Variants in TTC21B observed in about 807,000 individuals in gnomAD.
The protein encoded by TTC21B is tetratricopeptide repeat protein 21B.
In TTC21B, 127 loss-of-function variants were observed where a neutral mutation model predicts 175.1. The ratio of observed to expected loss-of-function variants is 0.73; its 90% CI spans 0.63 to 0.84. The LOEUF (loss-of-function observed/expected upper bound fraction) is 0.84. Ranked by LOEUF, TTC21B falls within the 40% of genes least tolerant of loss-of-function variation. TTC21B has a pLI of 0.00. For missense variants in TTC21B, 1,561 were observed against 1,558.3 expected (o/e 1.00, Z -0.03); for synonymous variants, 524 against 524.5 (o/e 1.00, Z 0.01).
At chr2:165,903,596 A>C (rs979611446) in intron 19 of TTC21B, among the ~76,000 whole-genome samples, 3 of 152,186 alleles carry the variant, frequency 2.0e-5, no homozygotes, top group Non-Finnish European at 4.4e-5. Flanking sequence ...GTAAGCAAGA[A>C]ATAACGATGG....
In TTC21B at chr2:165,919,382, G is replaced by C. The variant is rs1178038013; in HGVS notation, c.1568C>G (p.Pro523Arg). The C allele has an allele frequency of 6.2e-7, 1 of 1,613,874 alleles. No homozygotes were observed. Among genetic ancestry groups the C allele is most frequent in the Non-Finnish European group, 8.5e-7 (1 of 1,179,948 alleles). ...CAGCAGATGAGCATCAGCATAAGAGGGATTGTGTTCTAAGCAGTGCTGAAG... is the reference window on the plus strand; with the variant it reads ...CAGCAGATGAGCATCAGCATAAGAGCGATTGTGTTCTAAGCAGTGCTGAAG... ...NNLQHCLEHN[P>R]SYADAHLLLA... The change falls in exon 13 of 29, where the codon CCC (proline) becomes CGC (arginine). Residue 523 changes from proline to arginine, a missense_variant. Transcript: ENST00000243344.
intron 5 of TTC21B, among the ~76,000 whole-genome samples, chr2:165,941,490 T>C (rs1183497578): frequency 8.1e-6 from 1 of 123,268 alleles, no homozygotes; most frequent in Non-Finnish European, 1.7e-5. Context: ...AAATTATCTT[T>C]TTAGATTAAA....
At chr2:165,907,184 GA>G (rs374979149) in intron 19 of TTC21B, among the ~76,000 whole-genome samples, 2,331 of 152,010 alleles carry the variant, frequency 0.015, 42 homozygotes, top group Middle Eastern at 0.027. Flanking sequence ...AAAGACATAT[GA>G]TCATCTTGAT....
At chr2:165,904,579 T>C (rs1302713536) in intron 19 of TTC21B, among the ~76,000 whole-genome samples, 2 of 152,238 alleles carry the variant, frequency 1.3e-5, no homozygotes, top group Non-Finnish European at 2.9e-5. Context: ...GTGACTAGTA[T>C]AGTATCCTGG....
chr2:165,929,999 G>C (rs1160274184), intron 9 of TTC21B, among the ~76,000 whole-genome samples, 173 bp downstream of exon 9: 1 of 148,760 alleles, frequency 6.7e-6, no homozygotes. Flanking sequence ...ATTCTCTCAA[G>C]ATATTATTTG....
intron 19 of TTC21B, 41 bp from the exon 20 acceptor site, chr2:165,901,951 G>A (rs1038281588): frequency 6.1e-6 from 9 of 1,466,942 alleles, no homozygotes; most frequent in South Asian, 1.2e-5. Context: ...AAAAAAAAAG[G>A]AAATTAAATT....
intron 19 of TTC21B, 80 bp downstream of exon 19, chr2:165,907,598 G>T (rs538508598): frequency 2.2e-6 from 2 of 904,748 alleles, no homozygotes; most frequent in South Asian, 2.7e-5. Context: ...AAAAGAGATT[G>T]CTTTCCTCTT....
chr2:165,888,487 A>G lies in TTC21B; in HGVS notation c.3264-13T>C, dbSNP rs754946168. The G allele has an allele frequency of 1.3e-6, 2 of 1,593,058 alleles. No individual in the cohort carries two copies. The highest frequency in any genetic ancestry group is 1.7e-6 in the Non-Finnish European group (2 of 1,162,928). ...CTCAGTTGAATTACTGTATATAATT[A>G]AAAATAAATCACTTCTGTCTCTTAC... On this transcript the variant is annotated splice_polypyrimidine_tract_variant and intron_variant, in intron 24 of 28. Coordinates refer to ENST00000243344, the MANE Select transcript of TTC21B (RefSeq NM_024753.5).
intron 11 of TTC21B, among the ~76,000 whole-genome samples, chr2:165,927,357 T>TTATATA (rs1306861608): frequency 1.1e-5 from 1 of 92,446 alleles, no homozygotes; most frequent in African/African-American, 3.6e-5. Flanking sequence ...ATAATATATT[T>TTATATA]TATATATATA....
intron 21 of TTC21B, among the ~76,000 whole-genome samples, chr2:165,899,383 A>G (rs1302917481): frequency 6.6e-6 from 1 of 152,170 alleles, no homozygotes; most frequent in Non-Finnish European, 1.5e-5. Context: ...GATAATATGA[A>G]GTTGTTTTTT....
At chr2:165,952,095 T>C (rs1414171557) in intron 1 of TTC21B, among the ~76,000 whole-genome samples, 3 of 152,126 alleles carry the variant, frequency 2.0e-5, no homozygotes, top group African/African-American at 7.2e-5. Flanking sequence ...CAATGGTACA[T>C]TGGGATGGCA....
chr2:165,932,499 T>C (rs1399369945), intron 7 of TTC21B, among the ~76,000 whole-genome samples: 1 of 152,148 alleles, frequency 6.6e-6, no homozygotes, highest in Non-Finnish European at 1.5e-5. Context: ...CTACAGTCAA[T>C]GTGTTCACTA....
At chr2:165,941,535 T>G (rs958791079) in intron 5 of TTC21B, among the ~76,000 whole-genome samples, 1 of 152,100 alleles carries the variant, frequency 6.6e-6, no homozygotes, top group African/African-American at 2.4e-5. Context: ...GCATCTAAAA[T>G]TTTAAGAAAT....
chr2:165,923,435 T>C (rs1283486583), intron 12 of TTC21B, among the ~76,000 whole-genome samples: 1 of 151,388 alleles, frequency 6.6e-6, no homozygotes, highest in Non-Finnish European at 1.5e-5. Flanking sequence ...AAGCATAATA[T>C]GATGGTCTTT....
Position 165,899,820 on chromosome 2 carries a change from G to T in TTC21B, c.2818C>A (p.Gln940Lys), listed in dbSNP as rs1489728717. Residue 940 changes from glutamine to lysine, a missense_variant, in exon 21 of 29, where the codon CAG (glutamine) becomes AAG (lysine). By Grantham distance (53) the Gln-to-Lys change is moderately conservative. Coordinates refer to ENST00000243344, the MANE Select transcript of TTC21B (RefSeq NM_024753.5). ...AQDDPDSCLR[Q>K]CALLLQSDQD... Reference sequence around the variant, plus strand: ...TCACTCTGAAGCAGTAGAGCACACTGCCGCAGGCAGGAATCAGGGTCATCT... The same window carrying T: ...TCACTCTGAAGCAGTAGAGCACACTTCCGCAGGCAGGAATCAGGGTCATCT... The T allele has an allele frequency of 6.2e-7, 1 of 1,614,032 alleles. No individual in the cohort carries two copies.
chr2:165,895,480 T>A lies in TTC21B; in HGVS notation c.2950+3206A>T, dbSNP rs931482233. 2.6e-5 allele frequency among the ~76,000 whole-genome samples: 4 copies of A among 152,120 alleles called. No individual in the cohort carries two copies. The South Asian group carries it at 8.3e-4, about 31-fold the overall frequency. On this transcript the variant is annotated intron_variant, in intron 22 of 28. Coordinates refer to ENST00000243344, the MANE Select transcript of TTC21B (RefSeq NM_024753.5). Reference sequence around the variant, plus strand: ...TTTTAATGACTTAAAATATTCACAGTGGAAGAAGTCTGTTTTTTAAAGAAA... The same window carrying A: ...TTTTAATGACTTAAAATATTCACAGAGGAAGAAGTCTGTTTTTTAAAGAAA...
At chr2:165,917,511 A>C in intron 13 of TTC21B, 30 bp from the exon 14 acceptor site, 2 of 1,529,860 alleles carry the variant, frequency 1.3e-6, no homozygotes, top group Non-Finnish European at 1.8e-6. Flanking sequence ...ATTTCCTTGG[A>C]GTGCTTACAA....
intron 27 of TTC21B, among the ~76,000 whole-genome samples, chr2:165,876,809 T>A (rs1295878659): frequency 6.6e-6 from 1 of 152,110 alleles, no homozygotes; most frequent in Non-Finnish European, 1.5e-5. Context: ...GAATGAGGCA[T>A]AAACTAGGCT....
At chr2:165,895,554 C>T (rs941046749) in intron 22 of TTC21B, among the ~76,000 whole-genome samples, 1 of 151,878 alleles carries the variant, frequency 6.6e-6, no homozygotes, top group Admixed American at 6.6e-5. Context: ...ATGGGAACAG[C>T]TTGAGATAGA....
Sources: allele counts gnomAD v4.1 joint callset (sites outside exome capture counted in the v4.1 genomes callset), GRCh38; gene constraint gnomAD v4.1.1; transcripts MANE v1.5; gene names NCBI Gene and HGNC (gene_info 2026-07-23, HGNC 2026-07-21).